The following WDR41 variants were observed in gnomAD, a reference collection of about 807,000 sequenced individuals.
The protein encoded by WDR41 is WD repeat-containing protein 41.
A neutral mutation model predicts 69.3 loss-of-function variants in WDR41; 63 were observed. That is an observed-to-expected ratio of 0.91 (90% CI 0.74 to 1.12). WDR41 has a LOEUF of 1.12. Ranked by LOEUF, WDR41 falls within the 50% of genes most tolerant of loss-of-function variation. The pLI is 0.00. For missense variants in WDR41, 543 were observed against 534.5 expected (o/e 1.02, Z -0.16); for synonymous variants, 185 against 192.1 (o/e 0.96, Z 0.31).
chr5:77,619,862 C>G (rs1478867899), intron 1 of WDR41, among the ~76,000 whole-genome samples: 1 of 152,076 alleles, frequency 6.6e-6, no homozygotes. Flanking sequence ...AAAGGTGCCT[C>G]TGTATACTTA....
chr5:77,481,132 C>T (rs1002661778), intron 2 of WDR41, among the ~76,000 whole-genome samples: 4 of 152,046 alleles, frequency 2.6e-5, no homozygotes, highest in African/African-American at 9.7e-5. Flanking sequence ...AACGATTCTC[C>T]TGCCTCAGCT....
At chr5:77,592,822 T>C (rs899794229) in intron 1 of WDR41, among the ~76,000 whole-genome samples, 1 of 152,212 alleles carries the variant, frequency 6.6e-6, no homozygotes, top group Non-Finnish European at 1.5e-5. Flanking sequence ...GTCAGTCACA[T>C]AGGTATGGAG....
intron 1 of WDR41, among the ~76,000 whole-genome samples, chr5:77,609,772 A>G (rs1033202689): frequency 3.9e-5 from 6 of 152,258 alleles, no homozygotes; most frequent in Non-Finnish European, 8.8e-5. Context: ...AAAGGAACAC[A>G]GTTCCTCACC....
intron 1 of WDR41, among the ~76,000 whole-genome samples, chr5:77,596,916 G>A (rs902020883): frequency 5.3e-5 from 8 of 151,874 alleles, no homozygotes; most frequent in African/African-American, 1.7e-4. Flanking sequence ...TCAGGAGTTC[G>A]AGACCAGCCT....
At chr5:77,463,323 A>C (rs1207531993) in intron 3 of WDR41, 97 bp from the exon 4 acceptor site, 2 of 1,083,442 alleles carry the variant, frequency 1.8e-6, no homozygotes, top group Non-Finnish European at 2.5e-6. Flanking sequence ...GAAGATACAT[A>C]TACATTCCAT....
chr5:77,486,084 A>G (rs1801507940), intron 2 of WDR41, among the ~76,000 whole-genome samples: 1 of 152,244 alleles, frequency 6.6e-6, no homozygotes, highest in Non-Finnish European at 1.5e-5. Flanking sequence ...AGATAATTCT[A>G]AACTATTAAG....
chr5:77,610,189 C>T (rs1456664839), intron 1 of WDR41, among the ~76,000 whole-genome samples: 4 of 152,160 alleles, frequency 2.6e-5, no homozygotes, highest in Admixed American at 1.3e-4. Context: ...GATTGCTGTA[C>T]CTGAAAGTTA....
At chr5:77,620,496 G>T (rs750394254) in exon 1 of WDR41, 106 of 395,788 alleles carry the variant, frequency 2.7e-4, no homozygotes, top group Non-Finnish European at 3.9e-5. Flanking sequence ...GTTTCCCCTG[G>T]ACTTGAACAA....
chr5:77,486,155 C>G (rs1002355590), intron 2 of WDR41, among the ~76,000 whole-genome samples: 3 of 152,144 alleles, frequency 2.0e-5, no homozygotes, highest in African/African-American at 7.2e-5. Context: ...TTCCTGTGTC[C>G]TTCTTACGAA....
At chr5:77,436,152 C>T in intron 12 of WDR41, 109 bp downstream of exon 12, 2 of 1,402,382 alleles carry the variant, frequency 1.4e-6, no homozygotes, top group East Asian at 2.5e-5. Flanking sequence ...TGACAAACAC[C>T]TACAGATATA....
chr5:77,524,411 G>A (rs1197573072), intron 1 of WDR41, among the ~76,000 whole-genome samples: 1 of 152,130 alleles, frequency 6.6e-6, no homozygotes, highest in African/African-American at 2.4e-5. Context: ...AACATAGTGA[G>A]ACCCTATCTT....
At chr5:77,447,947 A>C (rs895521704) in intron 8 of WDR41, among the ~76,000 whole-genome samples, 19 of 152,216 alleles carry the variant, frequency 1.2e-4, no homozygotes, top group African/African-American at 4.3e-4. Flanking sequence ...AACTTTCATA[A>C]ACAACTTTTT....
chr5:77,433,221 T>G lies in WDR41; in HGVS notation c.1294A>C (p.Lys432Gln). The G allele has an allele frequency of 2.5e-6, 4 of 1,614,044 alleles. No homozygotes were observed. Among genetic ancestry groups the G allele is most frequent in the Non-Finnish European group, 3.4e-6 (4 of 1,179,962 alleles). ...CSADHLIILW[K>Q]NGERESGLRS... Reference sequence around the variant, plus strand: ...AATCCAGATTCTCGCTCTCCATTTTTCCACAAAATAATGAGATGATCAGCG... The same window carrying G: ...AATCCAGATTCTCGCTCTCCATTTTGCCACAAAATAATGAGATGATCAGCG... The change falls in exon 13 of 13, where the codon AAA becomes CAA. Residue 432 changes from lysine (K) to glutamine (Q), a missense_variant. Lys to Gln is a moderately conservative substitution (Grantham distance 53, BLOSUM62 1). Transcript: ENST00000296679.
intron 2 of WDR41, among the ~76,000 whole-genome samples, chr5:77,488,853 T>A (rs1309477735): frequency 6.6e-6 from 1 of 152,194 alleles, no homozygotes. Flanking sequence ...TGGTGAAACA[T>A]GCTATAAAAG....
chr5:77,502,895 C>T (rs1298951776), intron 1 of WDR41, among the ~76,000 whole-genome samples: 1 of 152,092 alleles, frequency 6.6e-6, no homozygotes, highest in African/African-American at 2.4e-5. Context: ...ACAACCAGTA[C>T]CAGCCAGCGC....
chr5:77,570,016 A>C (rs1016741260), intron 1 of WDR41, among the ~76,000 whole-genome samples: 3 of 152,178 alleles, frequency 2.0e-5, no homozygotes, highest in African/African-American at 7.2e-5. Flanking sequence ...GTATTTAGTC[A>C]TGTACGTCAA....
intron 1 of WDR41, among the ~76,000 whole-genome samples, chr5:77,589,396 T>G (rs1215892796): frequency 1.3e-5 from 2 of 152,098 alleles, no homozygotes; most frequent in African/African-American, 4.8e-5. Context: ...CTTCCAGGGG[T>G]TTGAGATTGC....
At chr5:77,512,599 A>C (rs1455053442) in intron 1 of WDR41, among the ~76,000 whole-genome samples, 1 of 151,688 alleles carries the variant, frequency 6.6e-6, no homozygotes, top group African/African-American at 2.4e-5. Context: ...AAAATACAAA[A>C]ATTAGCCAGG....
intron 1 of WDR41, among the ~76,000 whole-genome samples, chr5:77,525,173 G>A (rs1802427080): frequency 6.6e-6 from 1 of 151,958 alleles, no homozygotes; most frequent in African/African-American, 2.4e-5. Flanking sequence ...AAAGTGAGTG[G>A]GTGTGCAATA....
Sources: gnomAD v4.1 joint callset for allele counts (sites outside exome capture counted in the v4.1 genomes callset) on GRCh38, gnomAD v4.1.1 for gene constraint, MANE v1.5 for transcripts, NCBI Gene and HGNC (gene_info 2026-07-23, HGNC 2026-07-21) for gene names.